Variants in PTPRD observed in about 807,000 individuals in gnomAD.
PTPRD encodes receptor-type tyrosine-protein phosphatase delta.
Under a neutral mutation model 214.5 loss-of-function variants are expected in PTPRD, and 34 were observed. The ratio of observed to expected loss-of-function variants is 0.16; its 90% CI spans 0.12 to 0.21. The LOEUF (loss-of-function observed/expected upper bound fraction) is 0.21. Among genes scored for constraint, PTPRD ranks in the 10% least tolerant of loss-of-function variants. The pLI, the probability that PTPRD is intolerant of heterozygous loss-of-function variation, is 1.00. For synonymous variants in PTPRD, 1,128 were observed against 845.7 expected (o/e 1.33, Z -5.79); for missense variants, 2,545 against 2,398.7 (o/e 1.06, Z -1.27).
chr9:9,858,574 G>A (rs112499183), intron 5 of PTPRD, among the ~76,000 whole-genome samples: 105 of 152,246 alleles, frequency 6.9e-4, no homozygotes, highest in African/African-American at 2.3e-3. Context: ...ATAATTGCAC[G>A]CAGATGACTC....
intron 8 of PTPRD, among the ~76,000 whole-genome samples, chr9:9,531,119 T>C (rs2075363943): frequency 6.6e-6 from 1 of 152,184 alleles, no homozygotes; most frequent in Admixed American, 6.5e-5. Context: ...ATGCATTCTA[T>C]GCTGCAACAA....
At chr9:10,098,237 G>A (rs1299601476) in intron 3 of PTPRD, among the ~76,000 whole-genome samples, 1 of 150,338 alleles carries the variant, frequency 6.7e-6, no homozygotes, top group Non-Finnish European at 1.5e-5. Context: ...GCAAACTATC[G>A]CAAGGACAAA....
intron 7 of PTPRD, among the ~76,000 whole-genome samples, chr9:9,604,935 A>G (rs2094044918): frequency 6.6e-6 from 1 of 152,006 alleles, no homozygotes; most frequent in Non-Finnish European, 1.5e-5. Context: ...ATATTATTTT[A>G]ACAGGAGGTG....
chr9:9,493,801 A>AG (rs1740194380), intron 8 of PTPRD, among the ~76,000 whole-genome samples: 1 of 151,076 alleles, frequency 6.6e-6, no homozygotes, highest in South Asian at 2.1e-4. Flanking sequence ...AAAAAAAAAA[A>AG]AAAAAAAAAG....
chr9:8,373,854 GTGTCTGTC>G (rs1360837035), intron 39 of PTPRD, among the ~76,000 whole-genome samples: 8 of 129,248 alleles, frequency 6.2e-5, no homozygotes, highest in South Asian at 2.8e-4. Flanking sequence ...GTATGTGTAT[GTGTCTGTC>G]TGTCTATCTA....
chr9:9,495,285 AC>A (rs1273698324), intron 8 of PTPRD, among the ~76,000 whole-genome samples: 18 of 149,994 alleles, frequency 1.2e-4, no homozygotes, highest in Non-Finnish European at 2.5e-4. Context: ...AGGGATGGGT[AC>A]CCAGTAAAAT....
At chr9:9,888,925 C>A (rs12346878) in intron 5 of PTPRD, among the ~76,000 whole-genome samples, 2 of 152,046 alleles carry the variant, frequency 1.3e-5, no homozygotes, top group African/African-American at 4.8e-5. Flanking sequence ...CAAACCCTAA[C>A]TGTTTAGAAA....
chr9:10,574,333 G>A (rs1204346054), intron 2 of PTPRD, among the ~76,000 whole-genome samples: 4 of 152,028 alleles, frequency 2.6e-5, no homozygotes. Context: ...TGTCAGGAAA[G>A]CATAAGAGGA....
chr9:9,955,794 T>C (rs964313582), intron 4 of PTPRD, among the ~76,000 whole-genome samples: 1 of 152,168 alleles, frequency 6.6e-6, no homozygotes, highest in African/African-American at 2.4e-5. Context: ...AGTGCTGGGA[T>C]TACAGGCGTG....
At chr9:9,290,358 G>T (rs552688380) in intron 9 of PTPRD, among the ~76,000 whole-genome samples, 2 of 151,562 alleles carry the variant, frequency 1.3e-5, no homozygotes, top group South Asian at 4.2e-4. Context: ...AGATATTAAC[G>T]CCTTGTCATA....
chr9:9,385,334 C>A (rs2063551831), intron 9 of PTPRD, among the ~76,000 whole-genome samples: 1 of 152,126 alleles, frequency 6.6e-6, no homozygotes, highest in South Asian at 2.1e-4. Flanking sequence ...GTATGATCAA[C>A]AGTCTTCAAA....
chr9:10,506,646 G>C (rs1371446956), intron 2 of PTPRD, among the ~76,000 whole-genome samples: 1 of 151,844 alleles, frequency 6.6e-6, no homozygotes, highest in Non-Finnish European at 1.5e-5. Flanking sequence ...TATTATTGTT[G>C]CTCCAAGATC....
chr9:10,294,894 C>T (rs575118356), intron 3 of PTPRD, among the ~76,000 whole-genome samples: 39 of 151,978 alleles, frequency 2.6e-4, no homozygotes, highest in South Asian at 2.5e-3. Flanking sequence ...GGTTTTGGAA[C>T]GCCACGTTTG....
chr9:8,653,895 C>T (rs1315821728), intron 12 of PTPRD, among the ~76,000 whole-genome samples: 1 of 152,180 alleles, frequency 6.6e-6, no homozygotes, highest in Admixed American at 6.5e-5. Flanking sequence ...TCGCCATGCC[C>T]TAGGAACCTT....
At position 9,134,409 on chromosome 9, in the gene PTPRD, G is replaced by C. The variant is rs530072466; in HGVS notation, c.-143+48895C>G. Among the ~76,000 whole-genome samples, 4 of 152,200 alleles carry C rather than the reference G, an allele frequency of 2.6e-5. No homozygotes were observed. The East Asian group carries it at 7.8e-4, about 30-fold the overall frequency. On this transcript the variant is annotated intron_variant, in intron 10 of 45. Transcript: ENST00000381196. Reference sequence around the variant, plus strand: ...ACTCTCTTTTCCTCTATTCCCATCTGTTAATCTATCAGCAATTCTCTTGGC... The same window carrying C: ...ACTCTCTTTTCCTCTATTCCCATCTCTTAATCTATCAGCAATTCTCTTGGC...
chr9:8,317,597 C>T lies in PTPRD; in HGVS notation c.*277G>A. On this transcript the variant is annotated 3_prime_UTR_variant, in exon 46 of 46. Coordinates refer to ENST00000381196, the MANE Select transcript of PTPRD (RefSeq NM_002839.4). The stretch of plus-strand genomic sequence containing the variant: ...GGTTCTTTGCTGTGATTTCTTCTTC[C>T]CTTGATTTTGAATCCTTGAGGTATC... 1 of 322,758 alleles carries T rather than the reference C, an allele frequency of 3.1e-6. No homozygotes were observed. Among genetic ancestry groups the T allele is most frequent in the Non-Finnish European group, 5.9e-6 (1 of 169,128 alleles). 20.0% of individuals were successfully genotyped at this position (322,758 alleles called of 1,614,324 possible).
chr9:9,602,222 A>T (rs545457185), intron 7 of PTPRD, among the ~76,000 whole-genome samples: 52 of 152,212 alleles, frequency 3.4e-4, no homozygotes, highest in African/African-American at 1.2e-3. Context: ...AAACATGTTA[A>T]TATTTACTTT....
intron 11 of PTPRD, among the ~76,000 whole-genome samples, chr9:8,741,873 G>C (rs1018314246): frequency 8.6e-5 from 13 of 151,968 alleles, no homozygotes; most frequent in African/African-American, 2.9e-4. Context: ...ACAGGCGTGA[G>C]CCACCGCGCC....
intron 2 of PTPRD, among the ~76,000 whole-genome samples, chr9:10,541,904 T>G (rs1297249705): frequency 1.3e-5 from 2 of 152,130 alleles, no homozygotes; most frequent in African/African-American, 4.8e-5. Flanking sequence ...AATTATTTGA[T>G]TGTGTATTTT....
Sources: gnomAD v4.1 joint callset for allele counts (sites outside exome capture counted in the v4.1 genomes callset) on GRCh38, gnomAD v4.1.1 for gene constraint, MANE v1.5 for transcripts, NCBI Gene and HGNC (gene_info 2026-07-23, HGNC 2026-07-21) for gene names.